Variants in RBFOX1 observed in about 807,000 individuals in gnomAD.
RBFOX1 encodes the protein RNA binding protein fox-1 homolog 1.
Under a neutral mutation model 57.7 loss-of-function variants are expected in RBFOX1, and 8 were observed. The observed-to-expected ratio is 0.14, with a 90% confidence interval of 0.08 to 0.25. RBFOX1 has a LOEUF of 0.25. RBFOX1 is among the 10% of genes least tolerant of loss of function. The probability of loss-of-function intolerance (pLI) is 1.00; values close to 1 mark genes in which losing one functional copy is unlikely to be tolerated. For missense variants in RBFOX1, 611 were observed against 548.5 expected (o/e 1.11, Z -1.14); for synonymous variants, 326 against 222.4 (o/e 1.47, Z -4.15).
chr16:5,578,808 A>G (rs1179638279), intron 2 of RBFOX1, among the ~76,000 whole-genome samples: 1 of 148,964 alleles, frequency 6.7e-6, no homozygotes, highest in Admixed American at 6.7e-5. Context: ...TCCCAAAAGT[A>G]CTAGCGCATG....
At chr16:5,991,184 G>C (rs545814393) in intron 4 of RBFOX1, among the ~76,000 whole-genome samples, 49 of 152,280 alleles carry the variant, frequency 3.2e-4, no homozygotes, top group East Asian at 3.1e-3. Context: ...GTATTCAGTT[G>C]ACCCTCATGG....
At chr16:5,638,824 C>A (rs577716924) in intron 3 of RBFOX1, among the ~76,000 whole-genome samples, 1 of 152,126 alleles carries the variant, frequency 6.6e-6, no homozygotes, top group Non-Finnish European at 1.5e-5. Flanking sequence ...TGAATGGGCT[C>A]AGAGAAAGCC....
At chr16:6,238,323 C>G (rs1203847819) in intron 1 of RBFOX1, among the ~76,000 whole-genome samples, 1 of 152,086 alleles carries the variant, frequency 6.6e-6, no homozygotes, top group South Asian at 2.1e-4. Context: ...TTCAGGTTTG[C>G]CCTTAATCCA....
At chr16:6,012,455 A>G (rs1019250982) in intron 4 of RBFOX1, among the ~76,000 whole-genome samples, 2 of 152,156 alleles carry the variant, frequency 1.3e-5, no homozygotes, top group Non-Finnish European at 2.9e-5. Context: ...ATATCTGTAC[A>G]CATTTGGGAG....
At chr16:6,213,030 C>T (rs761989142) in intron 1 of RBFOX1, among the ~76,000 whole-genome samples, 9 of 152,142 alleles carry the variant, frequency 5.9e-5, no homozygotes, top group African/African-American at 9.7e-5. Context: ...GACATCCCTG[C>T]GTTGTAACCT....
intron 2 of RBFOX1, among the ~76,000 whole-genome samples, chr16:5,478,878 A>C (rs1011249462): frequency 1.3e-5 from 2 of 152,156 alleles, no homozygotes; most frequent in Non-Finnish European, 2.9e-5. Flanking sequence ...TGCTGCTGTC[A>C]GGCAACCCTC....
At chr16:7,369,401 C>T (rs948479783) in intron 4 of RBFOX1, among the ~76,000 whole-genome samples, 7 of 152,134 alleles carry the variant, frequency 4.6e-5, no homozygotes, top group Admixed American at 4.6e-4. Flanking sequence ...TCCCTCAAGC[C>T]CTTTCATCTC....
At chr16:7,509,937 A>G (rs1159295604) in intron 4 of RBFOX1, among the ~76,000 whole-genome samples, 1 of 151,336 alleles carries the variant, frequency 6.6e-6, no homozygotes, top group African/African-American at 2.4e-5. Context: ...AATGTTTTTT[A>G]AACAGCTATT....
chr16:6,206,667 T>A (rs2097257362), intron 1 of RBFOX1, among the ~76,000 whole-genome samples: 1 of 152,206 alleles, frequency 6.6e-6, no homozygotes, highest in Non-Finnish European at 1.5e-5. Context: ...TCATCAGAAG[T>A]TGCAAAGATA....
At chr16:6,363,226 A>C (rs186533210) in intron 2 of RBFOX1, among the ~76,000 whole-genome samples, 11 of 152,256 alleles carry the variant, frequency 7.2e-5, no homozygotes, top group Admixed American at 6.5e-4. Flanking sequence ...CTTTTTTTCT[A>C]TAATGTGGCC....
At chr16:7,696,519 A>T (rs532076144) in intron 14 of RBFOX1, among the ~76,000 whole-genome samples, 1 of 152,280 alleles carries the variant, frequency 6.6e-6, no homozygotes, top group East Asian at 1.9e-4. Context: ...TTGAAAAGCA[A>T]GTTACTTAAT....
intron 4 of RBFOX1, among the ~76,000 whole-genome samples, chr16:7,212,888 G>A (rs969640696): frequency 6.6e-6 from 1 of 152,166 alleles, no homozygotes; most frequent in Non-Finnish European, 1.5e-5. Context: ...CGGTGCTGGT[G>A]TTGATGAAGG....
chr16:6,079,437 G>A (rs904206636), intron 1 of RBFOX1, among the ~76,000 whole-genome samples: 6 of 152,168 alleles, frequency 3.9e-5, no homozygotes, highest in African/African-American at 1.2e-4. Flanking sequence ...TCAGCCTCCT[G>A]AGTAGCTGGG....
intron 2 of RBFOX1, among the ~76,000 whole-genome samples, chr16:6,436,776 T>C (rs551005453): frequency 1.1e-4 from 17 of 152,262 alleles, no homozygotes; most frequent in African/African-American, 4.1e-4. Context: ...TGATTATTTG[T>C]TGGATGAATG....
At chr16:5,423,093 GGAA>G (rs1042131892) in intron 1 of RBFOX1, among the ~76,000 whole-genome samples, 3 of 123,484 alleles carry the variant, frequency 2.4e-5, no homozygotes, top group South Asian at 6.1e-4. Flanking sequence ...GGGAGGAAGA[GGAA>G]GGAGGAGGGA....
chr16:7,092,964 G>A lies in RBFOX1; in HGVS notation c.27+40866G>A, dbSNP rs376546980. ...CGCATTCGTTGAATGGTTCCTTTTC[G>A]TAGGAACTTGTGCTGGAAATTGCCT... On this transcript the variant is annotated intron_variant, in intron 4 of 15. Coordinates refer to ENST00000550418, the MANE Select transcript of RBFOX1 (RefSeq NM_018723.4). 1.8e-4 allele frequency among the ~76,000 whole-genome samples: 27 copies of A among 152,066 alleles called. 1 individual carries two copies. The highest frequency in any genetic ancestry group is 4.6e-4 in the African/African-American group (19 of 41,402).
At chr16:6,863,681 A>AG (rs1474412748) in intron 3 of RBFOX1, among the ~76,000 whole-genome samples, 1 of 147,348 alleles carries the variant, frequency 6.8e-6, no homozygotes, top group East Asian at 2.0e-4. Flanking sequence ...AAAAAAAAAA[A>AG]AAGAAAAAAA....
At chr16:6,816,753 AGG>A (rs2090165621) in intron 3 of RBFOX1, among the ~76,000 whole-genome samples, 1 of 150,344 alleles carries the variant, frequency 6.7e-6, no homozygotes, top group African/African-American at 2.4e-5. Flanking sequence ...AAAAAAAAAA[AGG>A]AAGAAAAGAA....
chr16:7,421,358 C>T (rs1392018426), intron 4 of RBFOX1, among the ~76,000 whole-genome samples: 1 of 152,156 alleles, frequency 6.6e-6, no homozygotes, highest in Admixed American at 6.5e-5. Flanking sequence ...GTATTTATGG[C>T]ACATGTATTT....
Sources: gnomAD v4.1 joint callset for allele counts (sites outside exome capture counted in the v4.1 genomes callset) on GRCh38, gnomAD v4.1.1 for gene constraint, MANE v1.5 for transcripts, NCBI Gene and HGNC (gene_info 2026-07-23, HGNC 2026-07-21) for gene names.